KANK1: variants seen among roughly 807,000 people sequenced by gnomAD.
KANK1 encodes KN motif and ankyrin repeat domain-containing protein 1.
A neutral mutation model predicts 106.2 loss-of-function variants in KANK1; 109 were observed. That is an observed-to-expected ratio of 1.03 (90% CI 0.88 to 1.20). The LOEUF (loss-of-function observed/expected upper bound fraction) is 1.20. Among genes scored for constraint, KANK1 ranks in the 50% most tolerant of loss-of-function variants. The pLI is 0.00. For synonymous variants in KANK1, 873 were observed against 652.2 expected, an observed-to-expected ratio of 1.34 and a Z score of -5.16; for missense variants, 2,399 against 1,710.7, an observed-to-expected ratio of 1.40 and a Z score of -7.10.
intron 1 of KANK1, among the ~76,000 whole-genome samples, chr9:557,956 G>A (rs1815284562): frequency 6.6e-6 from 1 of 152,042 alleles, no homozygotes; most frequent in Non-Finnish European, 1.5e-5. Flanking sequence ...AGTGAGCTAT[G>A]ATCGCGCCAC....
At chr9:554,563 A>G (rs2061469448) in intron 1 of KANK1, among the ~76,000 whole-genome samples, 2 of 152,242 alleles carry the variant, frequency 1.3e-5, no homozygotes. Flanking sequence ...TGAAAATAAA[A>G]TAGAAAATAT....
At chr9:738,571 C>A in intron 8 of KANK1, 67 bp downstream of exon 8, 5 of 1,224,714 alleles carry the variant, frequency 4.1e-6, no homozygotes, top group Non-Finnish European at 4.8e-6. Flanking sequence ...TCTCAGAGAA[C>A]CTGGTTGAGC....
chr9:481,300 A>C (rs912130337), intron 3 of KANK1, among the ~76,000 whole-genome samples: 30 of 151,682 alleles, frequency 2.0e-4, no homozygotes, highest in African/African-American at 4.3e-4. Context: ...CAAAACAAAA[A>C]AAAACCCAAA....
chr9:523,818 C>CT (rs56375582), intron 1 of KANK1, among the ~76,000 whole-genome samples: 68,314 of 148,854 alleles, frequency 0.46, 17,824 homozygotes, highest in African/African-American at 0.71. Context: ...TTGGCCTCTT[C>CT]TTTTTTTTTT....
In KANK1 at chr9:745,325, T is replaced by C; in HGVS notation, c.*90T>C. 1 of 1,520,356 alleles carries C rather than the reference T, an allele frequency of 6.6e-7. No homozygotes were observed. The allele number at this position is 1,520,356 out of a possible 1,614,324, so 94.2% of individuals were successfully genotyped here. On this transcript the variant is annotated 3_prime_UTR_variant, in exon 12 of 12. Transcript: ENST00000382297. ...ACAGATACTGAATGTATACGTATTG[T>C]GCCTGAGCTCACCAGCAAACAGAAG...
chr9:675,026 GATT>G (rs779642134), intron 1 of KANK1, among the ~76,000 whole-genome samples: 1 of 14,550 alleles, frequency 6.9e-5, no homozygotes, highest in Non-Finnish European at 9.7e-5. Flanking sequence ...TTTTAATAAT[GATT>G]ATTATTACAA....
At chr9:579,631 G>C (rs561356501) in intron 1 of KANK1, among the ~76,000 whole-genome samples, 3 of 152,152 alleles carry the variant, frequency 2.0e-5, no homozygotes, top group Non-Finnish European at 4.4e-5. Flanking sequence ...ATGTGGTCCA[G>C]TGAGCCATGG....
At chr9:607,171 G>A (rs1178283551) in intron 1 of KANK1, among the ~76,000 whole-genome samples, 1 of 151,674 alleles carries the variant, frequency 6.6e-6, no homozygotes, top group African/African-American at 2.4e-5. Flanking sequence ...GGTAAACTTT[G>A]GCATATCAAA....
At chr9:692,151 C>G (rs1047751613) in intron 2 of KANK1, among the ~76,000 whole-genome samples, 3 of 152,176 alleles carry the variant, frequency 2.0e-5, no homozygotes, top group Admixed American at 6.5e-5. Context: ...TTCACTGGAC[C>G]TGCCTAGTTT....
intron 1 of KANK1, among the ~76,000 whole-genome samples, chr9:571,670 G>A (rs532678649): frequency 6.6e-6 from 1 of 152,240 alleles, no homozygotes; most frequent in African/African-American, 2.4e-5. Context: ...TACATTTAGA[G>A]ACTTAACAGT....
intron 3 of KANK1, among the ~76,000 whole-genome samples, chr9:475,545 C>G (rs1489283804): frequency 6.6e-6 from 1 of 152,146 alleles, no homozygotes; most frequent in Admixed American, 6.5e-5. Context: ...TCTTATCTTC[C>G]AAATTCCTAT....
intron 1 of KANK1, among the ~76,000 whole-genome samples, chr9:620,922 T>C (rs1419953554): frequency 6.6e-6 from 1 of 152,216 alleles, no homozygotes; most frequent in Non-Finnish European, 1.5e-5. Context: ...AGTTTACTAA[T>C]TGATCAAATT....
At chr9:600,905 AG>A (rs1255570837) in intron 1 of KANK1, among the ~76,000 whole-genome samples, 2 of 151,832 alleles carry the variant, frequency 1.3e-5, no homozygotes, top group Non-Finnish European at 2.9e-5. Context: ...GTTATCCAAA[AG>A]GCAGCCCACC....
intron 1 of KANK1, among the ~76,000 whole-genome samples, chr9:505,470 T>G (rs990664836): frequency 7.9e-5 from 12 of 152,350 alleles, no homozygotes; most frequent in Non-Finnish European, 1.0e-4. Context: ...TGAAGCGGGC[T>G]GGTCCCCGAA....
intron 1 of KANK1, among the ~76,000 whole-genome samples, chr9:522,073 G>C (rs2059579819): frequency 2.0e-5 from 3 of 151,646 alleles, no homozygotes; most frequent in East Asian, 1.9e-4. Context: ...GAAAATGTTT[G>C]ATTTGTTGAA....
intron 2 of KANK1, among the ~76,000 whole-genome samples, chr9:701,687 C>A (rs1244157782): frequency 6.6e-6 from 1 of 152,068 alleles, no homozygotes; most frequent in Non-Finnish European, 1.5e-5. Context: ...CTCCATGCCT[C>A]GTTTGGTTGG....
At chr9:577,660 A>G (rs1056040274) in intron 1 of KANK1, among the ~76,000 whole-genome samples, 8 of 152,166 alleles carry the variant, frequency 5.3e-5, no homozygotes, top group Admixed American at 2.0e-4. Flanking sequence ...CAGAAACAGC[A>G]TCACTTGGAA....
intron 10 of KANK1, among the ~76,000 whole-genome samples, chr9:744,184 A>ATAAT (rs59879100): frequency 0.4 from 60,764 of 151,308 alleles, 12,374 homozygotes; most frequent in Middle Eastern, 0.56. Context: ...CTGGTCATTC[A>ATAAT]TAATTAATTA....
intron 1 of KANK1, among the ~76,000 whole-genome samples, chr9:553,558 C>G (rs1014078871): frequency 4.6e-5 from 7 of 152,110 alleles, no homozygotes; most frequent in African/African-American, 1.4e-4. Flanking sequence ...AGGCAATTAT[C>G]AGAAGTCACC....
Sources: allele counts gnomAD v4.1 joint callset (sites outside exome capture counted in the v4.1 genomes callset), GRCh38; gene constraint gnomAD v4.1.1; transcripts MANE v1.5; gene names NCBI Gene and HGNC (gene_info 2026-07-23, HGNC 2026-07-21).